The following NBAS variants were observed in gnomAD, a reference collection of about 807,000 sequenced individuals.
The protein encoded by NBAS is NBAS subunit of NRZ tethering complex.
NBAS carries 219 observed loss-of-function variants against 302.5 expected under a neutral mutation model. That is an observed-to-expected ratio of 0.72 (90% CI 0.65 to 0.81). The LOEUF (loss-of-function observed/expected upper bound fraction) is 0.81. Ranked by LOEUF, NBAS falls within the 30% of genes least tolerant of loss-of-function variation. The pLI is 0.00. For synonymous variants in NBAS, 1,118 were observed against 1,021.6 expected, an observed-to-expected ratio of 1.09 and a Z score of -1.80; for missense variants, 2,932 against 2,841.6, an observed-to-expected ratio of 1.03 and a Z score of -0.72.
intron 35 of NBAS, among the ~76,000 whole-genome samples, chr2:15,349,104 T>C (rs1673231760): frequency 6.6e-6 from 1 of 152,304 alleles, no homozygotes; most frequent in South Asian, 2.1e-4. Flanking sequence ...AATGGTGATA[T>C]GTTCCCCACC....
chr2:15,248,686 C>T lies in NBAS; in HGVS notation c.5725-10000G>A, dbSNP rs1209872492. On this transcript the variant is annotated intron_variant, in intron 44 of 51. Transcript: ENST00000281513. Reference sequence around the variant, plus strand: ...CTACCATCAGAGAATACTATAAACACCTCTACACAAATAAACTAGAAAATC... The same window carrying T: ...CTACCATCAGAGAATACTATAAACATCTCTACACAAATAAACTAGAAAATC... 2.6e-5 allele frequency among the ~76,000 whole-genome samples: 4 copies of T among 152,168 alleles called. No homozygotes were observed. The South Asian group carries it at 6.2e-4, about 24-fold the overall frequency.
rs192897800 is a variant in NBAS, at chr2:15,249,797, G to A, written c.5725-11111C>T. ...AAGGAGAACTACAAACCACTGCTCA[G>A]GAAATAAGGGAGGACACAAACAGAT... On this transcript the variant is annotated intron_variant, in intron 44 of 51. Transcript: ENST00000281513. 2.9e-3 allele frequency among the ~76,000 whole-genome samples: 447 copies of A among 152,006 alleles called. 2 individuals are homozygous for A. Among genetic ancestry groups the A allele is most frequent in the Admixed American group, 8.3e-3 (126 of 15,256 alleles).
chr2:15,550,575 CTTCT>C (rs1410766830), intron 6 of NBAS, among the ~76,000 whole-genome samples: 3 of 147,444 alleles, frequency 2.0e-5, no homozygotes, highest in African/African-American at 5.0e-5. Context: ...TGTAAGGTTC[CTTCT>C]TTCTGTCTTT....
intron 16 of NBAS, among the ~76,000 whole-genome samples, chr2:15,469,112 C>T (rs1343287173): frequency 1.3e-5 from 2 of 152,136 alleles, no homozygotes; most frequent in African/African-American, 2.4e-5. Context: ...ATTAGTCTTG[C>T]TAGTGGTCTA....
chr2:14,986,981 A>G, the NBAS span, among the ~76,000 whole-genome samples: 3 of 152,136 alleles, frequency 2.0e-5, no homozygotes, highest in Non-Finnish European at 2.9e-5. Flanking sequence ...GACAAAGTCC[A>G]TTAGTTTATC....
At chr2:14,936,472 G>A in the NBAS span, among the ~76,000 whole-genome samples, 1 of 152,208 alleles carries the variant, frequency 6.6e-6, no homozygotes, top group South Asian at 2.1e-4. Context: ...ATCTGGGGCA[G>A]AACAAAGAAG....
intron 25 of NBAS, 34 bp downstream of exon 25, chr2:15,415,512 T>C (rs971877679): frequency 6.9e-6 from 11 of 1,596,540 alleles, no homozygotes; most frequent in Middle Eastern, 1.7e-4. Context: ...GGGGAAAAAG[T>C]GCCCAGAATT....
intron 48 of NBAS, among the ~76,000 whole-genome samples, chr2:15,201,480 TAA>T: frequency 6.6e-6 from 1 of 152,204 alleles, no homozygotes; most frequent in Non-Finnish European, 1.5e-5. Flanking sequence ...AAACCAGTCA[TAA>T]GCTGTTGACT....
intron 48 of NBAS, among the ~76,000 whole-genome samples, chr2:15,214,789 C>T (rs972641393): frequency 3.3e-5 from 5 of 152,124 alleles, no homozygotes; most frequent in Non-Finnish European, 2.9e-5. Context: ...GAAATATAGT[C>T]AAACTGGTTT....
chr2:15,132,681 C>T, the NBAS span, among the ~76,000 whole-genome samples: 69,067 of 151,798 alleles, frequency 0.45, 16,674 homozygotes, highest in African/African-American at 0.62. Context: ...TGGTGGGGTG[C>T]GGCAGGGGGT....
intron 25 of NBAS, among the ~76,000 whole-genome samples, chr2:15,412,847 G>A (rs199590195): frequency 5.3e-5 from 8 of 152,106 alleles, no homozygotes; most frequent in East Asian, 1.9e-4. Flanking sequence ...CCAAACCACC[G>A]TTGACTACAC....
chr2:15,271,655 T>G (rs895121560), intron 44 of NBAS, among the ~76,000 whole-genome samples: 1 of 152,250 alleles, frequency 6.6e-6, no homozygotes, highest in Non-Finnish European at 1.5e-5. Context: ...GCCATGCATT[T>G]ATCTATGGAT....
At chr2:15,106,451 G>GTCTCTCTCTCTCTC in the NBAS span, among the ~76,000 whole-genome samples, 704 of 147,950 alleles carry the variant, frequency 4.8e-3, 4 homozygotes, top group South Asian at 0.018. Context: ...CTCTGTCTCT[G>GTCTCTCTCTCTCTC]TCTCTCTCTC....
chr2:15,044,949 A>G, the NBAS span, among the ~76,000 whole-genome samples: 1 of 152,250 alleles, frequency 6.6e-6, no homozygotes, highest in Non-Finnish European at 1.5e-5. Flanking sequence ...AGGCTAGCAC[A>G]CAACAACGAA....
Position 15,277,060 on chromosome 2 carries a change from T to C in NBAS, c.5180A>G (p.His1727Arg). The C allele has an allele frequency of 6.2e-7, 1 of 1,613,868 alleles. No individual in the cohort carries two copies. Among genetic ancestry groups the C allele is most frequent in the Non-Finnish European group, 8.5e-7 (1 of 1,179,906 alleles). The change falls in exon 43 of 52, where the codon CAT becomes CGT. Residue 1727 changes from histidine to arginine, a missense_variant. Physicochemically the swap from His to Arg is conservative, Grantham distance 29. Transcript: ENST00000281513. ...LEIENRAQDL[H>R]LFETLKTDPE... ...ATCAGTCTTCAAAGTCTCAAAGAGA[T>C]GAAGGTCTTGGGCTCTATTTTCAAT...
chr2:14,832,116 T>C, the NBAS span, among the ~76,000 whole-genome samples: 2 of 152,232 alleles, frequency 1.3e-5, no homozygotes, highest in South Asian at 2.1e-4. Flanking sequence ...TATGTATTTC[T>C]TCCTCCTCTT....
chr2:15,220,285 G>C (rs1666894035), intron 47 of NBAS, among the ~76,000 whole-genome samples: 1 of 152,218 alleles, frequency 6.6e-6, no homozygotes, highest in Admixed American at 6.5e-5. Flanking sequence ...TCCCGGACGG[G>C]GCGGCTATAT....
chr2:15,226,021 C>G (rs886326220), intron 47 of NBAS, among the ~76,000 whole-genome samples: 3 of 152,188 alleles, frequency 2.0e-5, no homozygotes, highest in Admixed American at 6.5e-5. Flanking sequence ...CCTACTCTAT[C>G]AAAATCTGTA....
chr2:14,954,516 G>A, the NBAS span, among the ~76,000 whole-genome samples: 1 of 152,152 alleles, frequency 6.6e-6, no homozygotes, highest in Non-Finnish European at 1.5e-5. Context: ...CTTGATAAGT[G>A]TTATGGGTTG....
Sources: gnomAD v4.1 joint callset for allele counts (sites outside exome capture counted in the v4.1 genomes callset) on GRCh38, gnomAD v4.1.1 for gene constraint, MANE v1.5 for transcripts, NCBI Gene and HGNC (gene_info 2026-07-23, HGNC 2026-07-21) for gene names.